UBE2F: variants seen among roughly 807,000 people sequenced by gnomAD.
UBE2F encodes ubiquitin conjugating enzyme E2 F (putative).
A neutral mutation model predicts 29.6 loss-of-function variants in UBE2F; 5 were observed. The ratio of observed to expected loss-of-function variants is 0.17; its 90% CI spans 0.09 to 0.36. The LOEUF is 0.36. UBE2F is among the 10% of genes least tolerant of loss of function. The pLI is 1.00. For synonymous variants in UBE2F, 66 were observed against 81.8 expected (o/e 0.81, Z 1.04); for missense variants, 141 against 228.5 (o/e 0.62, Z 2.47).
chr2:238,016,049 A>T (rs1345431587), intron 4 of UBE2F, among the ~76,000 whole-genome samples: 1 of 152,164 alleles, frequency 6.6e-6, no homozygotes. Flanking sequence ...GCATCAAGCA[A>T]TCACTGAGGC....
intron 5 of UBE2F, 35 bp downstream of exon 5, chr2:238,016,668 C>T (rs1245213167): frequency 2.5e-6 from 4 of 1,590,186 alleles, no homozygotes; most frequent in East Asian, 2.2e-5. Context: ...TGTTTTACTT[C>T]TCGGGCGGGG....
Position 237,991,609 on chromosome 2 carries a change from C to CTTTCT in UBE2F, c.149-3132_149-3131insCTTTT, listed in dbSNP as rs57180067. Among the ~76,000 whole-genome samples, 25 of 53,048 alleles carry CTTTCT rather than the reference C, an allele frequency of 4.7e-4. 2 individuals are homozygous for CTTTCT. The highest frequency in any genetic ancestry group is 9.1e-4 in the East Asian group (1 of 1,102). 34.8% of individuals were successfully genotyped at this position (53,048 alleles called of 152,430 possible). A position where few individuals can be genotyped will look rare whatever the true frequency, so the allele number is the denominator to read the frequency against. On this transcript the variant is annotated intron_variant, in intron 3 of 9. Coordinates refer to ENST00000272930, the MANE Select transcript of UBE2F (RefSeq NM_080678.3). ...AACCTTTCTTTTCTTTTCTTTCTTTCTTTTTTTTTTTTTGAGACAGTCTTG... is the reference window on the plus strand; with the variant it reads ...AACCTTTCTTTTCTTTTCTTTCTTTCTTTCTTTTTTTTTTTTTTGAGACAGTCTTG...
intron 9 of UBE2F, among the ~76,000 whole-genome samples, chr2:238,037,632 G>A (rs821512): frequency 0.83 from 126,912 of 152,058 alleles, 53,063 homozygotes; most frequent in East Asian, 0.97. Context: ...TTTTTTTTGA[G>A]ACAGAGTCTG....
rs114729714 is a variant in UBE2F, at chr2:238,028,333, A to G, written c.354-2223A>G. Reference sequence around the variant, plus strand: ...TCCTTCATTCAGCTAATGTTGATTGAGCTTAGGCACTGGCAGAGGAATTAG... The same window carrying G: ...TCCTTCATTCAGCTAATGTTGATTGGGCTTAGGCACTGGCAGAGGAATTAG... On this transcript the variant is annotated intron_variant, in intron 6 of 9. Coordinates refer to ENST00000272930, the MANE Select transcript of UBE2F (RefSeq NM_080678.3). Among the ~76,000 whole-genome samples the G allele has an allele frequency of 1.8e-3, 279 of 152,364 alleles. 1 individual carries two copies. Among genetic ancestry groups the G allele is most frequent in the African/African-American group, 6.3e-3 (263 of 41,590 alleles).
At chr2:238,002,692 A>C (rs1458080185) in intron 4 of UBE2F, among the ~76,000 whole-genome samples, 1 of 152,048 alleles carries the variant, frequency 6.6e-6, no homozygotes, top group African/African-American at 2.4e-5. Context: ...ACTCACTGCA[A>C]TCTCCGCCTC....
At chr2:237,988,390 G>A (rs1036933563) in intron 3 of UBE2F, among the ~76,000 whole-genome samples, 2 of 151,756 alleles carry the variant, frequency 1.3e-5, no homozygotes, top group Admixed American at 1.3e-4. Flanking sequence ...AGAGGTTGCA[G>A]TGAGCTGAGA....
At position 237,967,903 on chromosome 2, in the gene UBE2F, T is replaced by G. The variant is rs1446923; in HGVS notation, c.-17+771T>G. Reference sequence around the variant, plus strand: ...TCATCTGTCACAGGAGAGAATTGGGTCCCCCCACTCTGCATTCCCGACCGC... The same window carrying G: ...TCATCTGTCACAGGAGAGAATTGGGGCCCCCCACTCTGCATTCCCGACCGC... On this transcript the variant is annotated intron_variant, in intron 1 of 9. Coordinates refer to ENST00000272930, the MANE Select transcript of UBE2F (RefSeq NM_080678.3). This position sits in a 1 kb window ranked among gnomAD's most constrained non-coding sequence, Gnocchi z 6.3. Among the ~76,000 whole-genome samples, 1 of 151,982 alleles carries G rather than the reference T, an allele frequency of 6.6e-6. No individual in the cohort carries two copies. Among genetic ancestry groups the G allele is most frequent in the African/African-American group, 2.4e-5 (1 of 41,364 alleles).
chr2:237,994,237 A>G (rs2063647029), intron 3 of UBE2F, among the ~76,000 whole-genome samples: 1 of 151,686 alleles, frequency 6.6e-6, no homozygotes. Context: ...CAGCCTCCCA[A>G]GTAGCTGGGA....
At chr2:238,026,608 A>G (rs577892808) in intron 6 of UBE2F, among the ~76,000 whole-genome samples, 68 of 152,014 alleles carry the variant, frequency 4.5e-4, no homozygotes, top group South Asian at 2.3e-3. Context: ...TAATTTTTGT[A>G]TTTTTTAGTA....
intron 7 of UBE2F, among the ~76,000 whole-genome samples, chr2:238,031,048 GA>G (rs1448941619): frequency 6.6e-6 from 1 of 152,188 alleles, no homozygotes; most frequent in Admixed American, 6.5e-5. Context: ...ATCAGGCAGG[GA>G]CCCTAGGGGA....
chr2:238,039,686 C>T (rs1159076489), intron 9 of UBE2F, among the ~76,000 whole-genome samples: 1 of 152,142 alleles, frequency 6.6e-6, no homozygotes, highest in East Asian at 1.9e-4. Flanking sequence ...GCTTTGTGTC[C>T]CTTGCAGTAG....
chr2:238,037,620 T>C (rs79245880), intron 9 of UBE2F, among the ~76,000 whole-genome samples: 1 of 150,086 alleles, frequency 6.7e-6, no homozygotes, highest in Non-Finnish European at 1.5e-5. Context: ...CTGAAGTTGC[T>C]TTTTTTTTTG....
intron 2 of UBE2F, among the ~76,000 whole-genome samples, chr2:237,980,450 G>A (rs563902980): frequency 2.0e-5 from 3 of 152,140 alleles, no homozygotes; most frequent in African/African-American, 7.2e-5. Context: ...GGGGAGCTCT[G>A]GTCCCTCTTT....
rs776235927 is a variant in UBE2F, at chr2:237,988,041, A to G, written c.148+49A>G. On this transcript the variant is annotated intron_variant, in intron 3 of 9. Coordinates refer to ENST00000272930, the MANE Select transcript of UBE2F (RefSeq NM_080678.3). ...TAAGTACTGTGAAATAATTGCATGA[A>G]GAAAACTTTTTATGTTTTAATAACC... 10 of 1,180,128 alleles carry G rather than the reference A, an allele frequency of 8.5e-6. No homozygotes were observed. The South Asian group carries it at 1.6e-4, about 19-fold the overall frequency. 73.1% of individuals were successfully genotyped at this position (1,180,128 alleles called of 1,614,324 possible).
At chr2:237,980,854 G>A (rs80246918) in intron 2 of UBE2F, among the ~76,000 whole-genome samples, 4,037 of 152,314 alleles carry the variant, frequency 0.027, 172 homozygotes, top group African/African-American at 0.093. Flanking sequence ...GGAGCAGGCG[G>A]CAAGGAGCCA....
intron 3 of UBE2F, among the ~76,000 whole-genome samples, chr2:237,991,681 C>T (rs1041481117): frequency 9.4e-5 from 13 of 138,700 alleles, no homozygotes; most frequent in African/African-American, 1.6e-4. Flanking sequence ...CGGCTCACTG[C>T]GACCTCCACT....
chr2:238,034,079 T>G (rs2064648422), intron 8 of UBE2F, among the ~76,000 whole-genome samples: 1 of 151,930 alleles, frequency 6.6e-6, no homozygotes. Context: ...ACTGGCAACT[T>G]GCTGCAGGGG....
intron 4 of UBE2F, among the ~76,000 whole-genome samples, chr2:238,001,033 CTTT>C (rs371184007): frequency 8.9e-6 from 1 of 111,820 alleles, no homozygotes; most frequent in Non-Finnish European, 1.7e-5. Flanking sequence ...AGAGTTTTGC[CTTT>C]TTTTTTTTTT....
chr2:237,996,478 T>C (rs567978720), intron 4 of UBE2F, among the ~76,000 whole-genome samples: 1 of 52,258 alleles, frequency 1.9e-5, no homozygotes, highest in Non-Finnish European at 4.8e-5. Context: ...CCCTCCGCGT[T>C]TTTTTTTTTT....
Sources: allele counts gnomAD v4.1 joint callset (sites outside exome capture counted in the v4.1 genomes callset), GRCh38; gene constraint gnomAD v4.1.1; non-coding constraint Gnocchi (gnomAD v3.1); transcripts MANE v1.5; gene names NCBI Gene and HGNC (gene_info 2026-07-23, HGNC 2026-07-21).